DGKG: variants seen among roughly 807,000 people sequenced by gnomAD.
DGKG encodes DAG kinase gamma.
Under a neutral mutation model 105.3 loss-of-function variants are expected in DGKG, and 78 were observed. The observed-to-expected ratio is 0.74, with a 90% CI of 0.62 to 0.89. The LOEUF (loss-of-function observed/expected upper bound fraction) is 0.89, where lower values mean the gene tolerates loss of function less well. DGKG is among the 40% of genes least tolerant of loss of function. DGKG has a pLI of 0.00. For missense variants in DGKG, 958 were observed against 1,020.1 expected (o/e 0.94, Z 0.83); for synonymous variants, 346 against 367.1 (o/e 0.94, Z 0.66).
At chr3:186,186,591 T>C (rs545567898) in intron 22 of DGKG, among the ~76,000 whole-genome samples, 3 of 152,372 alleles carry the variant, frequency 2.0e-5, no homozygotes, top group Non-Finnish European at 2.9e-5. Flanking sequence ...AAAACTTTGA[T>C]ACAAGATATT....
chr3:186,252,987 T>C, intron 18 of DGKG, 106 bp downstream of exon 18: 3 of 915,002 alleles, frequency 3.3e-6, no homozygotes, highest in Non-Finnish European at 5.3e-6. Context: ...AGTATTATGC[T>C]GCGGAATGTG....
intron 21 of DGKG, among the ~76,000 whole-genome samples, chr3:186,188,917 C>T (rs1478518127): frequency 4.6e-5 from 7 of 152,246 alleles, no homozygotes; most frequent in East Asian, 3.9e-4. Flanking sequence ...CGGTTTCAAG[C>T]GATTCTCCTG....
chr3:186,341,649 G>A lies in DGKG; in HGVS notation c.-249+20297C>T, dbSNP rs187604277. ...AGAGAAGTGTCTGTTCATGTCCTTC[G>A]CCCACTTTTTGATGGGGTTGTTTGT... On this transcript the variant is annotated intron_variant, in intron 1 of 24. Transcript: ENST00000265022. 1.4e-4 allele frequency among the ~76,000 whole-genome samples: 22 copies of A among 152,238 alleles called. No individual in the cohort carries two copies. In the East Asian group the frequency reaches 2.7e-3, roughly 19 times the overall value.
At position 186,148,793 on chromosome 3, in the gene DGKG, C is replaced by T; in HGVS notation, c.*1297G>A. ...CGGTCTCTTCGTTCATAATAGGGAGCTACTTTCATTCCCCTTAACCCTTGT... is the reference window on the plus strand; with the variant it reads ...CGGTCTCTTCGTTCATAATAGGGAGTTACTTTCATTCCCCTTAACCCTTGT... On this transcript the variant is annotated 3_prime_UTR_variant, in exon 25 of 25. Transcript: ENST00000265022. 3.0e-6 allele frequency: 3 copies of T among 985,516 alleles called. No homozygotes were observed. Among genetic ancestry groups the T allele is most frequent in the Non-Finnish European group, 3.6e-6 (3 of 829,880 alleles). 61.0% of individuals were successfully genotyped at this position (985,516 alleles called of 1,614,324 possible).
At chr3:186,248,295 C>T (rs1206796626) in intron 19 of DGKG, among the ~76,000 whole-genome samples, 8 of 152,372 alleles carry the variant, frequency 5.3e-5, no homozygotes, top group Non-Finnish European at 7.3e-5. Flanking sequence ...CAGGCAGCTG[C>T]GCTGTAACCT....
intron 1 of DGKG, among the ~76,000 whole-genome samples, chr3:186,356,363 A>G (rs1430010732): frequency 6.6e-6 from 1 of 152,202 alleles, no homozygotes. Flanking sequence ...GGCAGACTGA[A>G]CTGAACAAGA....
intron 5 of DGKG, among the ~76,000 whole-genome samples, chr3:186,289,412 A>G (rs927551614): frequency 1.3e-5 from 2 of 152,210 alleles, no homozygotes; most frequent in Non-Finnish European, 2.9e-5. Context: ...CTGCAAGTCT[A>G]ATTTGGATGA....
At chr3:186,236,558 A>G (rs1461688526) in intron 20 of DGKG, among the ~76,000 whole-genome samples, 1 of 152,178 alleles carries the variant, frequency 6.6e-6, no homozygotes, top group African/African-American at 2.4e-5. Context: ...AACTTACTCT[A>G]TACCCTGCTG....
intron 1 of DGKG, among the ~76,000 whole-genome samples, chr3:186,325,432 T>C (rs980811421): frequency 6.6e-6 from 1 of 152,186 alleles, no homozygotes; most frequent in Admixed American, 6.5e-5. Context: ...AGTAGTCAAG[T>C]AGAAAGTTTC....
Position 186,272,278 on chromosome 3 carries a change from A to G in DGKG, c.976T>C (p.Ser326Pro). 6.2e-7 allele frequency: 1 copy of G among 1,613,852 alleles called. No individual in the cohort carries two copies. The highest frequency in any genetic ancestry group is 8.5e-7 in the Non-Finnish European group (1 of 1,179,758). Reference sequence around the variant, plus strand: ...ACCTCACCACTCCTTTTGGCTTTTGAGTACGTTTTGACACAACCAGGAATG... The same window carrying G: ...ACCTCACCACTCCTTTTGGCTTTTGGGTACGTTTTGACACAACCAGGAATG... ...RNIPGCVKTY[S>P]KAKRSGEVMQ... The change falls in exon 11 of 25, where the codon TCA (serine) becomes CCA (proline). Residue 326 changes from serine to proline, a missense_variant. Physicochemically the swap from Ser to Pro is moderately conservative, Grantham distance 74. This residue lies in a region of DGKG where 643 missense variants were observed against 619.5 expected (regional missense o/e 1.04). Transcript: ENST00000265022.
chr3:186,178,343 C>T (rs2108492163), intron 22 of DGKG, among the ~76,000 whole-genome samples: 1 of 152,130 alleles, frequency 6.6e-6, no homozygotes, highest in South Asian at 2.1e-4. Context: ...AGGTGGTGCC[C>T]AATATGAAAT....
intron 1 of DGKG, among the ~76,000 whole-genome samples, chr3:186,344,622 G>A (rs1031596961): frequency 6.6e-6 from 1 of 152,080 alleles, no homozygotes; most frequent in Admixed American, 6.6e-5. Context: ...GAGATGAGCA[G>A]GAAAGATAAC....
At chr3:186,243,557 C>T (rs1720787957) in intron 19 of DGKG, among the ~76,000 whole-genome samples, 1 of 152,186 alleles carries the variant, frequency 6.6e-6, no homozygotes, top group African/African-American at 2.4e-5. Context: ...AAGCCTCAAA[C>T]CTGAAACGGA....
At chr3:186,245,881 C>T (rs1337798059) in intron 19 of DGKG, among the ~76,000 whole-genome samples, 1 of 151,494 alleles carries the variant, frequency 6.6e-6, no homozygotes, top group Non-Finnish European at 1.5e-5. Context: ...TTTCTAGTAG[C>T]CACATAAAAA....
intron 21 of DGKG, among the ~76,000 whole-genome samples, chr3:186,208,444 A>G (rs1177227237): frequency 3.6e-3 from 1 of 276 alleles, no homozygotes; most frequent in East Asian, 0.083. Context: ...AAAAAGAAGA[A>G]AAAAAAAAGG....
intron 1 of DGKG, among the ~76,000 whole-genome samples, chr3:186,328,120 C>T (rs1243466808): frequency 6.6e-6 from 1 of 152,186 alleles, no homozygotes; most frequent in Non-Finnish European, 1.5e-5. Context: ...ACTTGAAATG[C>T]CCTTTACTCC....
chr3:186,149,335 G>A lies in DGKG; in HGVS notation c.*755C>T. 1 of 985,302 alleles carries A rather than the reference G, an allele frequency of 1.0e-6. No individual in the cohort carries two copies. Among genetic ancestry groups the A allele is most frequent in the Non-Finnish European group, 1.2e-6 (1 of 829,930 alleles). The allele number at this position is 985,302 out of a possible 1,614,324, so 61.0% of individuals were successfully genotyped here. A position where few individuals can be genotyped will look rare whatever the true frequency, so the allele number is the denominator to read the frequency against. ...CCCTCCCAGGTGTTCACAGAACTAA[G>A]AAAATAAATACCACATCTAAGGTGT... On this transcript the variant is annotated 3_prime_UTR_variant, in exon 25 of 25. Transcript: ENST00000265022.
intron 24 of DGKG, among the ~76,000 whole-genome samples, chr3:186,157,697 T>A (rs1369013978): frequency 3.9e-5 from 6 of 152,210 alleles, no homozygotes; most frequent in African/African-American, 1.4e-4. Flanking sequence ...GATTGTATAT[T>A]TTGTTTTACA....
chr3:186,150,161 G>T lies in DGKG; in HGVS notation c.2305C>A (p.Pro769Thr). 1 of 1,613,336 alleles carries T rather than the reference G, an allele frequency of 6.2e-7. No individual in the cohort carries two copies. Among genetic ancestry groups the T allele is most frequent in the Non-Finnish European group, 8.5e-7 (1 of 1,179,710 alleles). The change falls in exon 25 of 25, where the codon CCC (proline) becomes ACC (threonine). Residue 769 changes from proline to threonine, a missense_variant. By Grantham distance (38) the Pro-to-Thr change is conservative (BLOSUM62 -1). Coordinates refer to ENST00000265022, the MANE Select transcript of DGKG (RefSeq NM_001346.3). ...TIKITHKNQA[P>T]MMMGPPQKSS... ...TTCTGGGGAGGCCCCATCATCATGGGCGCTTGGTTCTTGTGAGTAATTTTA... is the reference window on the plus strand; with the variant it reads ...TTCTGGGGAGGCCCCATCATCATGGTCGCTTGGTTCTTGTGAGTAATTTTA...
Sources: allele counts gnomAD v4.1 joint callset (sites outside exome capture counted in the v4.1 genomes callset), GRCh38; gene constraint gnomAD v4.1.1; regional missense constraint gnomAD v4.1.1; transcripts MANE v1.5; gene names NCBI Gene and HGNC (gene_info 2026-07-23, HGNC 2026-07-21).